ELP4: variants seen among roughly 807,000 people sequenced by gnomAD.
The protein encoded by ELP4 is elongator acetyltransferase complex subunit 4.
Under a neutral mutation model 48.9 loss-of-function variants are expected in ELP4, and 51 were observed. The observed-to-expected ratio is 1.04, with a 90% CI of 0.83 to 1.32. The LOEUF (loss-of-function observed/expected upper bound fraction) is 1.32, where lower values mean the gene tolerates loss of function less well. Ranked by LOEUF, ELP4 falls within the 40% of genes most tolerant of loss-of-function variation. ELP4 has a pLI of 0.00. For synonymous variants in ELP4, 210 were observed against 189.2 expected (o/e 1.11, Z -0.90); for missense variants, 519 against 514.6 (o/e 1.01, Z -0.08).
At chr11:31,550,617 G>A (rs1012447367) in intron 3 of ELP4, among the ~76,000 whole-genome samples, 1 of 152,148 alleles carries the variant, frequency 6.6e-6, no homozygotes, top group East Asian at 1.9e-4. Context: ...ACAAAAAAGA[G>A]TTGGAGGAGC....
At chr11:31,655,903 C>T (rs371471015) in intron 9 of ELP4, among the ~76,000 whole-genome samples, 3 of 151,868 alleles carry the variant, frequency 2.0e-5, no homozygotes, top group East Asian at 3.9e-4. Flanking sequence ...CATTTCTTAC[C>T]GGCAACCTGA....
At chr11:31,750,371 G>C (rs1050148065) in intron 9 of ELP4, among the ~76,000 whole-genome samples, 6 of 152,038 alleles carry the variant, frequency 3.9e-5, no homozygotes, top group African/African-American at 1.4e-4. Context: ...AGGTTTTTCA[G>C]AACAATGAAG....
At chr11:31,594,530 T>C (rs2133989350) in intron 3 of ELP4, among the ~76,000 whole-genome samples, 2 of 152,250 alleles carry the variant, frequency 1.3e-5, no homozygotes, top group East Asian at 3.9e-4. Context: ...TTTGTGAGTA[T>C]AGAAATTTGG....
chr11:31,713,581 C>A (rs1946784523), intron 9 of ELP4, among the ~76,000 whole-genome samples: 1 of 152,002 alleles, frequency 6.6e-6, no homozygotes, highest in Non-Finnish European at 1.5e-5. Context: ...AGGCCATGAC[C>A]CTTTGAGCAT....
intron 7 of ELP4, among the ~76,000 whole-genome samples, chr11:31,637,777 G>C (rs1266344569): frequency 6.6e-6 from 1 of 151,914 alleles, no homozygotes; most frequent in Non-Finnish European, 1.5e-5. Context: ...CAAACATTTT[G>C]TGGCTTTTGA....
intron 2 of ELP4, among the ~76,000 whole-genome samples, chr11:31,529,543 T>C (rs373996769): frequency 0.018 from 2,786 of 152,270 alleles, 43 homozygotes; most frequent in Non-Finnish European, 0.028. Flanking sequence ...CATTCCTGTT[T>C]CCCAGCCAAT....
intron 5 of ELP4, among the ~76,000 whole-genome samples, chr11:31,606,688 AAAT>A (rs1362800170): frequency 9.2e-5 from 14 of 152,194 alleles, no homozygotes; most frequent in African/African-American, 3.1e-4. Context: ...CTGAGTCACA[AAAT>A]AATAAGCTGG....
intron 3 of ELP4, among the ~76,000 whole-genome samples, chr11:31,549,284 T>G (rs1423409979): frequency 6.6e-6 from 1 of 151,336 alleles, no homozygotes; most frequent in Non-Finnish European, 1.5e-5. Context: ...TCAAACAAAT[T>G]TACAAGAAAA....
chr11:31,753,047 A>G (rs1193445104), intron 9 of ELP4, among the ~76,000 whole-genome samples: 2 of 152,172 alleles, frequency 1.3e-5, no homozygotes, highest in Non-Finnish European at 2.9e-5. Flanking sequence ...AATGTAAAGT[A>G]CCTGGTGCGT....
At chr11:31,690,796 C>CT (rs10653769) in intron 9 of ELP4, among the ~76,000 whole-genome samples, 26,785 of 109,596 alleles carry the variant, frequency 0.24, 3,177 homozygotes, top group Non-Finnish European at 0.28. Flanking sequence ...GTTTTTTTTC[C>CT]TTTTTTTTTT....
At chr11:31,601,434 TTAA>T (rs1418765980) in intron 4 of ELP4, among the ~76,000 whole-genome samples, 4 of 152,114 alleles carry the variant, frequency 2.6e-5, no homozygotes, top group Non-Finnish European at 4.4e-5. Context: ...TCTAAATAAA[TTAA>T]TAACAATTAT....
intron 2 of ELP4, among the ~76,000 whole-genome samples, chr11:31,530,514 A>T (rs1193954814): frequency 6.6e-6 from 1 of 152,108 alleles, no homozygotes; most frequent in East Asian, 1.9e-4. Context: ...TAAGGTAAGG[A>T]TTTACAAATA....
intron 9 of ELP4, chr11:31,653,532 A>G (rs1314143419): frequency 6.6e-6 from 1 of 151,766 alleles, no homozygotes; most frequent in Non-Finnish European, 1.5e-5. Flanking sequence ...ATTTTAAACA[A>G]AAGCTTTACT....
At chr11:31,630,930 A>G (rs953018497) in intron 6 of ELP4, among the ~76,000 whole-genome samples, 1 of 152,012 alleles carries the variant, frequency 6.6e-6, no homozygotes, top group Non-Finnish European at 1.5e-5. Context: ...GGTAACAGAG[A>G]AAGACACTGT....
At chr11:31,765,652 A>G (rs1213645338) in intron 9 of ELP4, among the ~76,000 whole-genome samples, 3 of 152,150 alleles carry the variant, frequency 2.0e-5, no homozygotes, top group Non-Finnish European at 2.9e-5. Context: ...ATATAAATAA[A>G]TAGAGTGCAA....
At chr11:31,573,282 C>T (rs919951209) in intron 3 of ELP4, among the ~76,000 whole-genome samples, 13 of 152,146 alleles carry the variant, frequency 8.5e-5, no homozygotes, top group African/African-American at 3.1e-4. Flanking sequence ...TAGCATATAC[C>T]TCAAAACTCT....
At chr11:31,557,381 G>C (rs1956947055) in intron 3 of ELP4, among the ~76,000 whole-genome samples, 1 of 151,976 alleles carries the variant, frequency 6.6e-6, no homozygotes, top group South Asian at 2.1e-4. Flanking sequence ...ATTAGCTAAA[G>C]CAATATTATT....
At chr11:31,645,088 T>C (rs1387638741) in intron 7 of ELP4, among the ~76,000 whole-genome samples, 1 of 151,762 alleles carries the variant, frequency 6.6e-6, no homozygotes, top group Non-Finnish European at 1.5e-5. Context: ...TTTATGGTAA[T>C]AGTATGATGA....
At chr11:31,514,357 G>C (rs1592072474) in intron 1 of ELP4, among the ~76,000 whole-genome samples, 1 of 152,230 alleles carries the variant, frequency 6.6e-6, no homozygotes, top group South Asian at 2.1e-4. Flanking sequence ...TACTCAGGAG[G>C]CTGATGGGGG....
Sources: gnomAD v4.1 joint callset for allele counts (sites outside exome capture counted in the v4.1 genomes callset) on GRCh38, gnomAD v4.1.1 for gene constraint, MANE v1.5 for transcripts, NCBI Gene and HGNC (gene_info 2026-07-23, HGNC 2026-07-21) for gene names.